Variants in TMA16 observed in about 807,000 individuals in gnomAD.
TMA16 encodes the protein translation machinery associated 16 homolog.
A neutral mutation model predicts 27.1 loss-of-function variants in TMA16; 26 were observed. The observed-to-expected ratio is 0.96, with a 90% CI of 0.70 to 1.33. The LOEUF is 1.33. Among genes scored for constraint, TMA16 ranks in the 40% most tolerant of loss-of-function variants. The pLI is 0.00. For synonymous variants in TMA16, 71 were observed against 81.9 expected, an observed-to-expected ratio of 0.87 and a Z score of 0.72; for missense variants, 233 against 241.4, an observed-to-expected ratio of 0.97 and a Z score of 0.23.
At position 163,516,846 on chromosome 4, in the gene TMA16, G is replaced by C. The variant is rs189603073; in HGVS notation, c.389-588G>C. Among the ~76,000 whole-genome samples, 5 of 151,944 alleles carry C rather than the reference G, an allele frequency of 3.3e-5. No homozygotes were observed. In the East Asian group the frequency reaches 9.7e-4, roughly 29 times the overall value. On this transcript the variant is annotated intron_variant, in intron 5 of 6. Coordinates refer to ENST00000358572, the MANE Select transcript of TMA16 (RefSeq NM_018352.3). Reference sequence around the variant, plus strand: ...CCTGAGATAAATTCTACCTTGTGAAGGCAGATTATACGTTTGAAAACATTG... The same window carrying C: ...CCTGAGATAAATTCTACCTTGTGAACGCAGATTATACGTTTGAAAACATTG...
rs1403074396 is a variant in TMA16 at position 163,500,629 on chromosome 4, A to G, written c.3+5825A>G. On this transcript the variant is annotated intron_variant, in intron 1 of 6. Transcript: ENST00000358572. ...TTCTTTCTTGCTGTATAACTTTGTC[A>G]GTGAAAAAGAATGCCTCTGACAGGG... Among the ~76,000 whole-genome samples the G allele has an allele frequency of 2.6e-5, 4 of 152,328 alleles. No individual in the cohort carries two copies. In the South Asian group the frequency reaches 6.2e-4, roughly 24 times the overall value.
chr4:163,495,449 A>T (rs1737535737), intron 1 of TMA16, among the ~76,000 whole-genome samples: 1 of 152,214 alleles, frequency 6.6e-6, no homozygotes, highest in South Asian at 2.1e-4. Context: ...CCTTCTTTGA[A>T]CTTTCAGGAA....
intron 1 of TMA16, among the ~76,000 whole-genome samples, chr4:163,500,135 T>G (rs932248356): frequency 3.3e-5 from 5 of 152,178 alleles, no homozygotes; most frequent in Admixed American, 2.0e-4. Flanking sequence ...AAAACTGACT[T>G]ATGAAGGCTT....
Position 163,495,581 on chromosome 4 carries a change from CGTT to C in TMA16, c.3+780_3+782del, listed in dbSNP as rs1442290237. Among the ~76,000 whole-genome samples the C allele has an allele frequency of 3.3e-5, 5 of 152,088 alleles. No individual in the cohort carries two copies. In the East Asian group the frequency reaches 9.6e-4, roughly 29 times the overall value. On this transcript the variant is annotated intron_variant, in intron 1 of 6. Coordinates refer to ENST00000358572, the MANE Select transcript of TMA16 (RefSeq NM_018352.3). ...GTTTCTTGCCTATTTTTTACGTAAT[CGTT>C]GTGTTCTTGAGAGTAATTCTTGCAT...
At chr4:163,517,960 C>A (rs139586132) in intron 6 of TMA16, among the ~76,000 whole-genome samples, 139 of 139,036 alleles carry the variant, frequency 1.0e-3, no homozygotes, top group Middle Eastern at 3.6e-3. Context: ...AGTAGGATTT[C>A]GATTTTTTAG....
At chr4:163,500,212 T>TC (rs1419808280) in intron 1 of TMA16, among the ~76,000 whole-genome samples, 1 of 110,986 alleles carries the variant, frequency 9.0e-6, no homozygotes, top group Non-Finnish European at 1.9e-5. Context: ...CTTTCTTTCT[T>TC]TTTTTTTTTT....
intron 1 of TMA16, among the ~76,000 whole-genome samples, chr4:163,502,603 G>A (rs1424942297): frequency 1.3e-5 from 2 of 152,210 alleles, no homozygotes; most frequent in Admixed American, 1.3e-4. Flanking sequence ...CCTTCAAGGA[G>A]CAGTTGAACT....
intron 1 of TMA16, among the ~76,000 whole-genome samples, chr4:163,501,488 T>A (rs1390008038): frequency 6.6e-6 from 1 of 152,238 alleles, no homozygotes; most frequent in Non-Finnish European, 1.5e-5. Context: ...CTTATTTTAA[T>A]GCTTCTCTTT....
intron 2 of TMA16, among the ~76,000 whole-genome samples, chr4:163,511,640 G>A (rs1170684938): frequency 1.3e-5 from 2 of 149,860 alleles, no homozygotes; most frequent in African/African-American, 4.9e-5. Context: ...GTGAGACTCT[G>A]TCTCTACAAA....
At chr4:163,505,993 G>A (rs996615112) in intron 1 of TMA16, among the ~76,000 whole-genome samples, 3 of 152,146 alleles carry the variant, frequency 2.0e-5, no homozygotes, top group Non-Finnish European at 4.4e-5. Flanking sequence ...TTTTCTATAT[G>A]AATGGATCTT....
At chr4:163,503,061 G>A (rs540022209) in intron 1 of TMA16, among the ~76,000 whole-genome samples, 1 of 152,244 alleles carries the variant, frequency 6.6e-6, no homozygotes, top group Non-Finnish European at 1.5e-5. Flanking sequence ...ATTCAGTACA[G>A]TAACGTCCTG....
At chr4:163,515,513 T>C (rs779575124) in intron 5 of TMA16, 52 bp downstream of exon 5, 1 of 1,473,876 alleles carries the variant, frequency 6.8e-7, no homozygotes, top group South Asian at 1.4e-5. Flanking sequence ...CAGTATCAAT[T>C]TGTGATTGAT....
chr4:163,501,550 C>A (rs1737651341), intron 1 of TMA16, among the ~76,000 whole-genome samples: 1 of 152,064 alleles, frequency 6.6e-6, no homozygotes, highest in Non-Finnish European at 1.5e-5. Context: ...TTAAAAAGTA[C>A]CAGTATGCAA....
intron 2 of TMA16, chr4:163,512,525 AC>A (rs1406432476): frequency 4.0e-6 from 1 of 251,512 alleles, no homozygotes; most frequent in Non-Finnish European, 7.6e-6. Flanking sequence ...ATATTACAGA[AC>A]CCATCTGAAT....
At position 163,519,643 on chromosome 4, in the gene TMA16, C is replaced by T. The variant is rs747946255; in HGVS notation, c.*129C>T. On this transcript the variant is annotated 3_prime_UTR_variant, in exon 7 of 7. Coordinates refer to ENST00000358572, the MANE Select transcript of TMA16 (RefSeq NM_018352.3). ...TCTTATATGATGAGAGTTTCATTTG[C>T]GTTTCAAAAATGGTGTTATGATACT... The T allele has an allele frequency of 6.0e-5, 56 of 930,734 alleles. No individual in the cohort carries two copies. The highest frequency in any genetic ancestry group is 8.3e-5 in the Non-Finnish European group (54 of 648,816). The allele number at this position is 930,734 out of a possible 1,614,324, so 57.7% of individuals were successfully genotyped here. A position where few individuals can be genotyped will look rare whatever the true frequency, so the allele number is the denominator to read the frequency against.
chr4:163,517,552 C>G (rs913281539), intron 6 of TMA16, 76 bp downstream of exon 6: 2 of 1,330,574 alleles, frequency 1.5e-6, no homozygotes, highest in Non-Finnish European at 2.1e-6. Flanking sequence ...CCCTTTGAGT[C>G]TAGCCGGTAG....
chr4:163,514,053 C>T (rs912059613), intron 3 of TMA16, 21 bp from the exon 4 acceptor site: 2 of 1,571,482 alleles, frequency 1.3e-6, no homozygotes, highest in African/African-American at 2.7e-5. Flanking sequence ...GGTAAACTGT[C>T]TTGGTACTTG....
At chr4:163,504,796 G>A (rs1737697284) in intron 1 of TMA16, among the ~76,000 whole-genome samples, 1 of 152,174 alleles carries the variant, frequency 6.6e-6, no homozygotes, top group Non-Finnish European at 1.5e-5. Flanking sequence ...ACCATGCTTG[G>A]CTGAGGATCT....
At chr4:163,517,499 C>T in intron 6 of TMA16, 23 bp downstream of exon 6, 2 of 1,607,580 alleles carry the variant, frequency 1.2e-6, no homozygotes. Context: ...TGTATTGTTC[C>T]CCTGAAGCTG....
Sources: gnomAD v4.1 joint callset for allele counts (sites outside exome capture counted in the v4.1 genomes callset) on GRCh38, gnomAD v4.1.1 for gene constraint, MANE v1.5 for transcripts, NCBI Gene and HGNC (gene_info 2026-07-23, HGNC 2026-07-21) for gene names.